FER1L6: variants seen among roughly 807,000 people sequenced by gnomAD.
FER1L6 encodes fer-1-like protein 6.
FER1L6 carries 177 observed loss-of-function variants against 219.2 expected under a neutral mutation model. The ratio of observed to expected loss-of-function variants is 0.81; its 90% CI spans 0.71 to 0.91. The LOEUF is 0.91. FER1L6 is among the 40% of genes least tolerant of loss of function. The probability of loss-of-function intolerance (pLI) is 0.00; values close to 1 mark genes in which losing one functional copy is unlikely to be tolerated. For missense variants in FER1L6, 2,153 were observed against 2,259.9 expected (o/e 0.95, Z 0.96); for synonymous variants, 768 against 824.3 (o/e 0.93, Z 1.17).
Position 123,986,179 on chromosome 8 carries a change from A to T in FER1L6, c.1519+3A>T. The T allele has an allele frequency of 6.5e-7, 1 of 1,536,110 alleles. No individual in the cohort carries two copies. The highest frequency in any genetic ancestry group is 9.0e-7 in the Non-Finnish European group (1 of 1,109,122). On this transcript the variant is annotated splice_donor_region_variant and intron_variant, in intron 12 of 40. Transcript: ENST00000522917. ...CATCAGCTTTGAAGTTTCTATTGGT[A>T]AGTACAGATAAGCACAGTGCCAGGC...
intron 24 of FER1L6, among the ~76,000 whole-genome samples, chr8:124,061,543 A>G (rs944743444): frequency 1.3e-5 from 2 of 152,168 alleles, no homozygotes; most frequent in African/African-American, 4.8e-5. Flanking sequence ...CTGTCTTTGG[A>G]GATGAGAGTT....
chr8:123,859,681 C>T (rs915396315), intron 1 of FER1L6, among the ~76,000 whole-genome samples: 6 of 69,306 alleles, frequency 8.7e-5, no homozygotes, highest in African/African-American at 3.7e-4. Flanking sequence ...AGGTATATCT[C>T]CCAATGCTAT....
chr8:124,010,785 C>T, intron 14 of FER1L6, 71 bp downstream of exon 14: 6 of 1,572,592 alleles, frequency 3.8e-6, no homozygotes, highest in Non-Finnish European at 5.2e-6. Context: ...TTAAAATCCA[C>T]CTAGTAGAGG....
At chr8:124,082,075 A>G (rs1821576662) in intron 32 of FER1L6, among the ~76,000 whole-genome samples, 1 of 152,222 alleles carries the variant, frequency 6.6e-6, no homozygotes, top group Non-Finnish European at 1.5e-5. Flanking sequence ...TGAAAAGGGG[A>G]GATTATTGGC....
chr8:123,925,375 G>A lies in FER1L6; in HGVS notation c.-7-30617G>A, dbSNP rs1254430465. 3.3e-5 allele frequency among the ~76,000 whole-genome samples: 5 copies of A among 152,302 alleles called. No individual in the cohort carries two copies. The East Asian group carries it at 9.6e-4, about 29-fold the overall frequency. ...GGATAGAAGAAAATTTTGGCAGGAT[G>A]CAACATGACACCTGTCTTTCAGGAC... On this transcript the variant is annotated intron_variant, in intron 1 of 40. Coordinates refer to ENST00000522917, the MANE Select transcript of FER1L6 (RefSeq NM_001039112.2).
intron 1 of FER1L6, among the ~76,000 whole-genome samples, chr8:123,877,730 C>G (rs145824872): frequency 1.3e-5 from 2 of 150,054 alleles, no homozygotes; most frequent in African/African-American, 4.9e-5. Flanking sequence ...ATGTGAAATA[C>G]GCTTCCTTTA....
chr8:123,909,397 T>G (rs1345316090), intron 1 of FER1L6, among the ~76,000 whole-genome samples: 2 of 152,072 alleles, frequency 1.3e-5, no homozygotes, highest in Non-Finnish European at 2.9e-5. Flanking sequence ...GGAGATGACT[T>G]GTTGAAAACA....
At chr8:123,902,304 G>A (rs1282529650) in intron 1 of FER1L6, among the ~76,000 whole-genome samples, 1 of 152,128 alleles carries the variant, frequency 6.6e-6, no homozygotes, top group Non-Finnish European at 1.5e-5. Context: ...GAAATTTTCT[G>A]TATATATCTG....
intron 1 of FER1L6, among the ~76,000 whole-genome samples, chr8:123,873,231 T>C (rs1816952490): frequency 6.6e-6 from 1 of 152,162 alleles, no homozygotes; most frequent in Non-Finnish European, 1.5e-5. Context: ...CCCAGATCAT[T>C]CCTTCTTGCC....
intron 13 of FER1L6, among the ~76,000 whole-genome samples, chr8:124,006,945 G>A (rs759599230): frequency 1.3e-5 from 2 of 152,168 alleles, no homozygotes; most frequent in Non-Finnish European, 2.9e-5. Context: ...TTGAGACAAA[G>A]CAAAATTTGG....
chr8:124,058,426 C>T (rs1820406846), intron 22 of FER1L6, among the ~76,000 whole-genome samples: 1 of 152,180 alleles, frequency 6.6e-6, no homozygotes. Context: ...TTTCCCTGGC[C>T]TATGTGCTGA....
Position 124,035,308 on chromosome 8 carries a change from T to G in FER1L6, c.2318T>G (p.Val773Gly). 2 of 1,614,134 alleles carry G rather than the reference T, an allele frequency of 1.2e-6. No individual in the cohort carries two copies. Among genetic ancestry groups the G allele is most frequent in the Non-Finnish European group, 1.7e-6 (2 of 1,179,982 alleles). Reference sequence around the variant, plus strand: ...GGGAAACGACCGGCTGGTTGGTCTGTGCAAGCAAAAGTCGACGTGTACCTG... The same window carrying G: ...GGGAAACGACCGGCTGGTTGGTCTGGGCAAGCAAAAGTCGACGTGTACCTG... ...PPGKRPAGWS[V>G]QAKVDVYLWL... The change falls in exon 19 of 41, where the codon GTG (valine) becomes GGG (glycine). Residue 773 changes from valine to glycine, a missense_variant. By Grantham distance (109) the Val-to-Gly change is moderately radical (BLOSUM62 -3). Transcript: ENST00000522917.
chr8:123,857,588 G>C (rs1371860105), intron 1 of FER1L6, among the ~76,000 whole-genome samples: 2 of 152,126 alleles, frequency 1.3e-5, no homozygotes, highest in Non-Finnish European at 1.5e-5. Flanking sequence ...TCCCAGTTCA[G>C]TACTAACCTG....
intron 33 of FER1L6, among the ~76,000 whole-genome samples, chr8:124,090,906 C>T (rs181215960): frequency 1.1e-3 from 162 of 152,174 alleles, no homozygotes; most frequent in African/African-American, 3.6e-3. Flanking sequence ...AAGCAGCAGC[C>T]GAGTGGCTGT....
At chr8:124,078,170 T>C (rs954108797) in intron 32 of FER1L6, among the ~76,000 whole-genome samples, 4 of 151,908 alleles carry the variant, frequency 2.6e-5, no homozygotes, top group African/African-American at 9.7e-5. Flanking sequence ...CAATATGCAT[T>C]TGTGGAATGA....
chr8:123,955,854 T>C, intron 1 of FER1L6, 138 bp from the exon 2 acceptor site: 1 of 723,666 alleles, frequency 1.4e-6, no homozygotes, highest in Non-Finnish European at 2.3e-6. Flanking sequence ...CTGCTGATAC[T>C]TGTCTTTTGC....
intron 14 of FER1L6, among the ~76,000 whole-genome samples, chr8:124,012,118 T>C (rs1563742684): frequency 1.3e-5 from 2 of 152,198 alleles, no homozygotes; most frequent in African/African-American, 4.8e-5. Context: ...CCACATGCCT[T>C]ACCAGATCAT....
chr8:124,073,325 G>A (rs1821155219), intron 31 of FER1L6, among the ~76,000 whole-genome samples: 1 of 152,150 alleles, frequency 6.6e-6, no homozygotes, highest in African/African-American at 2.4e-5. Context: ...GCCTTGGGCT[G>A]GAACTTGACG....
At chr8:123,986,734 T>C (rs1465785288) in intron 12 of FER1L6, among the ~76,000 whole-genome samples, 7 of 152,168 alleles carry the variant, frequency 4.6e-5, no homozygotes, top group Admixed American at 4.6e-4. Flanking sequence ...TTTTAATTTT[T>C]AGCTTCTCCA....
Sources: gnomAD v4.1 joint callset for allele counts (sites outside exome capture counted in the v4.1 genomes callset) on GRCh38, gnomAD v4.1.1 for gene constraint, MANE v1.5 for transcripts, NCBI Gene and HGNC (gene_info 2026-07-23, HGNC 2026-07-21) for gene names.